Variants in SGCZ observed in about 807,000 individuals in gnomAD.
SGCZ encodes sarcoglycan zeta, also known as zeta-sarcoglycan.
Under a neutral mutation model 41.3 loss-of-function variants are expected in SGCZ, and 40 were observed. That is an observed-to-expected ratio of 0.97 (90% confidence interval 0.75 to 1.26). The LOEUF is 1.26. SGCZ is among the 50% of genes most tolerant of loss of function. The pLI, the probability that SGCZ is intolerant of heterozygous loss-of-function variation, is 0.00. For synonymous variants in SGCZ, 206 were observed against 137.5 expected (o/e 1.50, Z -3.49); for missense variants, 552 against 369.8 (o/e 1.49, Z -4.04).
chr8:14,944,874 G>C (rs1435730200), intron 1 of SGCZ, among the ~76,000 whole-genome samples: 2 of 152,100 alleles, frequency 1.3e-5, no homozygotes, highest in African/African-American at 4.8e-5. Context: ...ACCATTGTAA[G>C]TTGACAATTA....
At chr8:14,613,419 T>C (rs1033518416) in intron 1 of SGCZ, among the ~76,000 whole-genome samples, 9 of 152,198 alleles carry the variant, frequency 5.9e-5, no homozygotes, top group African/African-American at 2.2e-4. Flanking sequence ...TATTGTCTCT[T>C]AGATAAAATC....
chr8:14,378,068 T>G (rs1051971603), intron 2 of SGCZ, among the ~76,000 whole-genome samples: 2 of 149,938 alleles, frequency 1.3e-5, no homozygotes, highest in Non-Finnish European at 2.9e-5. Flanking sequence ...CTGGGTCAAA[T>G]AGTATTTCTA....
intron 3 of SGCZ, among the ~76,000 whole-genome samples, chr8:14,266,365 G>C (rs1464454909): frequency 6.6e-6 from 1 of 152,046 alleles, no homozygotes; most frequent in African/African-American, 2.4e-5. Context: ...ATGATAATAT[G>C]TTTCACACAC....
chr8:14,815,124 A>G (rs1244692962), intron 1 of SGCZ, among the ~76,000 whole-genome samples: 1 of 152,072 alleles, frequency 6.6e-6, no homozygotes. Flanking sequence ...ATTTGTTATT[A>G]TTTTGGTTAT....
chr8:15,053,637 T>C (rs1458032688), intron 1 of SGCZ, among the ~76,000 whole-genome samples: 2 of 152,062 alleles, frequency 1.3e-5, no homozygotes, highest in Non-Finnish European at 2.9e-5. Context: ...TCGGAGGTGA[T>C]ATTGGTTTTA....
chr8:15,161,770 C>G (rs577635997), intron 1 of SGCZ, among the ~76,000 whole-genome samples: 2 of 152,322 alleles, frequency 1.3e-5, no homozygotes, highest in South Asian at 4.1e-4. Context: ...TGCCGTGGCT[C>G]ACATCTATAA....
chr8:14,723,873 T>C (rs1809969377), intron 1 of SGCZ, among the ~76,000 whole-genome samples: 2 of 152,074 alleles, frequency 1.3e-5, no homozygotes, highest in Admixed American at 1.3e-4. Context: ...ATTCTATAAA[T>C]AGAGTGGTAG....
chr8:15,203,982 A>G (rs1563182244), intron 1 of SGCZ, among the ~76,000 whole-genome samples: 1 of 152,224 alleles, frequency 6.6e-6, no homozygotes, highest in Non-Finnish European at 1.5e-5. Context: ...AAGAAACAAT[A>G]AAACATTTCT....
intron 1 of SGCZ, among the ~76,000 whole-genome samples, chr8:15,131,154 T>C (rs954161786): frequency 2.6e-5 from 4 of 152,202 alleles, no homozygotes; most frequent in African/African-American, 9.7e-5. Flanking sequence ...TTCAGTGATA[T>C]CGTTTGTCTG....
chr8:15,006,972 T>C (rs894366052), intron 1 of SGCZ, among the ~76,000 whole-genome samples: 13 of 152,110 alleles, frequency 8.5e-5, no homozygotes, highest in Non-Finnish European at 4.4e-5. Context: ...GAAATTATTA[T>C]TTTTCAAAAA....
chr8:14,332,652 G>C (rs1802376786), intron 2 of SGCZ: 1 of 151,560 alleles, frequency 6.6e-6, no homozygotes, highest in Non-Finnish European at 1.5e-5. Flanking sequence ...TACGGTACTT[G>C]AATAGCCTTA....
intron 3 of SGCZ, among the ~76,000 whole-genome samples, chr8:14,252,695 T>G (rs113071058): frequency 0.012 from 1,875 of 152,206 alleles, 22 homozygotes; most frequent in African/African-American, 0.031. Context: ...GGACAAAATT[T>G]TCAAGAGGCT....
In SGCZ at chr8:14,439,310, A is replaced by AATATATATATATATAT. The variant is rs57569373; in HGVS notation, c.235-115122_235-115107dup. On this transcript the variant is annotated intron_variant, in intron 2 of 7. Coordinates refer to ENST00000382080, the MANE Select transcript of SGCZ (RefSeq NM_139167.4). Reference sequence around the variant, plus strand: ...TTAAAGAAAATATATAGAAGAAAGAAATATATATATATATATATATCTCCT... The same window carrying AATATATATATATATAT: ...TTAAAGAAAATATATAGAAGAAAGAAATATATATATATATATATATATATATATATATATATCTCCT... 1.4e-3 allele frequency among the ~76,000 whole-genome samples: 204 copies of AATATATATATATATAT among 142,698 alleles called. 2 individuals carry two copies. Among genetic ancestry groups the AATATATATATATATAT allele is most frequent in the Middle Eastern group, 3.6e-3 (1 of 274 alleles). The allele number at this position is 142,698 out of a possible 152,430, so 93.6% of individuals were successfully genotyped here. A position where few individuals can be genotyped will look rare whatever the true frequency, so the allele number is the denominator to read the frequency against.
chr8:14,700,706 A>C (rs1415166974), intron 1 of SGCZ, among the ~76,000 whole-genome samples: 1 of 152,078 alleles, frequency 6.6e-6, no homozygotes, highest in African/African-American at 2.4e-5. Flanking sequence ...TGTTCAAGCA[A>C]CTACAAAATA....
At chr8:14,645,675 A>T (rs1256973687) in intron 1 of SGCZ, among the ~76,000 whole-genome samples, 1 of 150,958 alleles carries the variant, frequency 6.6e-6, no homozygotes, top group South Asian at 2.1e-4. Context: ...GCACCTTTTC[A>T]TATTTCCTAA....
At chr8:14,613,158 G>A (rs192576039) in intron 1 of SGCZ, among the ~76,000 whole-genome samples, 1 of 152,196 alleles carries the variant, frequency 6.6e-6, no homozygotes, top group African/African-American at 2.4e-5. Flanking sequence ...GCTGAGTGGG[G>A]GCCCTCCATA....
At chr8:15,182,946 A>C (rs780873220) in intron 1 of SGCZ, among the ~76,000 whole-genome samples, 12 of 152,184 alleles carry the variant, frequency 7.9e-5, no homozygotes, top group Non-Finnish European at 1.5e-4. Flanking sequence ...TTACCTTTTT[A>C]AACTTTTTTG....
intron 1 of SGCZ, among the ~76,000 whole-genome samples, chr8:15,217,039 C>T (rs900434969): frequency 1.3e-5 from 2 of 151,550 alleles, no homozygotes; most frequent in Admixed American, 6.6e-5. Context: ...CCTGCTTATG[C>T]GCTTATATTC....
intron 2 of SGCZ, among the ~76,000 whole-genome samples, chr8:14,337,520 A>T (rs995879005): frequency 1.3e-5 from 2 of 152,200 alleles, no homozygotes; most frequent in African/African-American, 4.8e-5. Context: ...ACTTGTTACT[A>T]GAATGACTCC....
Sources: allele counts gnomAD v4.1 joint callset (sites outside exome capture counted in the v4.1 genomes callset), GRCh38; gene constraint gnomAD v4.1.1; transcripts MANE v1.5; gene names NCBI Gene and HGNC (gene_info 2026-07-23, HGNC 2026-07-21).